The following FXR1 variants were observed in gnomAD, a reference collection of about 807,000 sequenced individuals.
FXR1 encodes RNA-binding protein FXR1.
Under a neutral mutation model 84.0 loss-of-function variants are expected in FXR1, and 15 were observed. The observed-to-expected ratio is 0.18, with a 90% CI of 0.12 to 0.27. The LOEUF is 0.27. Among genes scored for constraint, FXR1 ranks in the 10% least tolerant of loss-of-function variants. The pLI is 1.00. For synonymous variants in FXR1, 245 were observed against 250.7 expected (o/e 0.98, Z 0.21); for missense variants, 480 against 774.4 (o/e 0.62, Z 4.51).
intron 13 of FXR1, among the ~76,000 whole-genome samples, chr3:180,963,521 T>C (rs1010318358): frequency 6.6e-6 from 1 of 152,192 alleles, no homozygotes; most frequent in Non-Finnish European, 1.5e-5. Context: ...CTGCCAAGAT[T>C]GCATATAGCA....
chr3:180,982,640 C>CT lies in FXR1; in HGVS notation c.*6349dup, dbSNP rs1402381714. ...TTGCCTGTCGGCATATTATCACTAT[C>CT]TGTCTTTGAAAAATTTTCTTTTAAG... On this transcript the variant is annotated 3_prime_UTR_variant, in exon 17 of 17. Coordinates refer to ENST00000357559, the MANE Select transcript of FXR1 (RefSeq NM_005087.4). The CT allele has an allele frequency of 1.3e-5, 2 of 151,622 alleles. No individual in the cohort carries two copies. The highest frequency in any genetic ancestry group is 2.9e-5 in the Non-Finnish European group (2 of 67,982). The allele number at this position is 151,622 out of a possible 1,614,324, so 9.4% of individuals were successfully genotyped here. A position where few individuals can be genotyped will look rare whatever the true frequency, so the allele number is the denominator to read the frequency against.
At chr3:180,938,222 G>A (rs191659245) in intron 3 of FXR1, among the ~76,000 whole-genome samples, 1 of 152,190 alleles carries the variant, frequency 6.6e-6, no homozygotes, top group East Asian at 1.9e-4. Flanking sequence ...ATTCCTAAGA[G>A]GTTAATGTTT....
Position 180,968,165 on chromosome 3 carries a change from G to A in FXR1, c.1313G>A (p.Ser438Asn), listed in dbSNP as rs771190045. The A allele has an allele frequency of 6.8e-6, 11 of 1,613,604 alleles. No individual in the cohort carries two copies. The highest frequency in any genetic ancestry group is 8.5e-6 in the Non-Finnish European group (10 of 1,179,590). Residue 438 changes from serine (S) to asparagine (N), a missense_variant, in exon 14 of 17, where the codon AGC becomes AAC. Ser to Asn is a conservative substitution (Grantham distance 46, BLOSUM62 1). Coordinates refer to ENST00000357559, the MANE Select transcript of FXR1 (RefSeq NM_005087.4). Reference protein sequence around the residue: ...DDRDSRHQRDSRRRPGGRGRS... With the variant: ...DDRDSRHQRDNRRRPGGRGRS... Reference sequence around the variant, plus strand: ...CGAGACAGCCGACATCAGCGTGACAGCAGGAGACGCCCAGGAGGAAGAGGC... The same window carrying A: ...CGAGACAGCCGACATCAGCGTGACAACAGGAGACGCCCAGGAGGAAGAGGC...
chr3:180,972,942 CATTTA>C (rs1713769728), intron 15 of FXR1, among the ~76,000 whole-genome samples: 1 of 152,186 alleles, frequency 6.6e-6, no homozygotes, highest in Non-Finnish European at 1.5e-5. Context: ...TTAAAACACT[CATTTA>C]ATTTGATCTC....
intron 16 of FXR1, 38 bp downstream of exon 16, chr3:180,975,442 A>G (rs13089525): frequency 5.6e-6 from 4 of 716,666 alleles, no homozygotes; most frequent in African/African-American, 3.9e-5. Context: ...TTTTTTTTTT[A>G]ATTTTTGGTA....
At chr3:180,917,582 G>A (rs896932065) in intron 1 of FXR1, among the ~76,000 whole-genome samples, 6 of 152,124 alleles carry the variant, frequency 3.9e-5, no homozygotes, top group Non-Finnish European at 8.8e-5. Context: ...TTCACAGATA[G>A]TTGCAAAACG....
rs373824306 is a variant in FXR1, at chr3:180,953,749, C to A, written c.802-13C>A. The A allele has an allele frequency of 7.4e-7, 1 of 1,359,374 alleles. No homozygotes were observed. The highest frequency in any genetic ancestry group is 2.0e-5 in the Admixed American group (1 of 49,464). The allele number at this position is 1,359,374 out of a possible 1,614,324, so 84.2% of individuals were successfully genotyped here. Reference sequence around the variant, plus strand: ...AAACAGGATTTCATTTTTACTTTTCCCCTCATCTACAGAGTGCTGATGCTG... The same window carrying A: ...AAACAGGATTTCATTTTTACTTTTCACCTCATCTACAGAGTGCTGATGCTG... On this transcript the variant is annotated splice_polypyrimidine_tract_variant and intron_variant, in intron 8 of 16. Transcript: ENST00000357559.
At chr3:180,975,185 A>C (rs1414493969) in intron 15 of FXR1, 128 bp from the exon 16 acceptor site, 1 of 434,722 alleles carries the variant, frequency 2.3e-6, no homozygotes, top group African/African-American at 2.1e-5. Flanking sequence ...TGGAGGTGAT[A>C]CCCAGCTTAA....
At chr3:180,954,389 T>C (rs1308318283) in intron 9 of FXR1, among the ~76,000 whole-genome samples, 2 of 152,198 alleles carry the variant, frequency 1.3e-5, no homozygotes, top group African/African-American at 4.8e-5. Context: ...TTTCACTGTT[T>C]ATTATTTGAC....
Position 180,941,771 on chromosome 3 carries a change from A to G in FXR1, c.199-6094A>G, listed in dbSNP as rs1322843793. Among the ~76,000 whole-genome samples, 4 of 152,276 alleles carry G rather than the reference A, an allele frequency of 2.6e-5. No individual in the cohort carries two copies. The East Asian group carries it at 7.7e-4, about 29-fold the overall frequency. Reference sequence around the variant, plus strand: ...AAAGCTGGTAGGAAACTGATTTGTTAAAGTGTCAGCCTTAAAGGTGAATGA... The same window carrying G: ...AAAGCTGGTAGGAAACTGATTTGTTGAAGTGTCAGCCTTAAAGGTGAATGA... On this transcript the variant is annotated intron_variant, in intron 3 of 16. Coordinates refer to ENST00000357559, the MANE Select transcript of FXR1 (RefSeq NM_005087.4).
chr3:180,934,985 GTAAC>G (rs1487900152), intron 2 of FXR1, among the ~76,000 whole-genome samples, 149 bp from the exon 3 acceptor site: 1 of 152,114 alleles, frequency 6.6e-6, no homozygotes, highest in African/African-American at 2.4e-5. Flanking sequence ...TTCTACTTCA[GTAAC>G]TAATTTCTTG....
rs753275904 is a variant in FXR1 at position 180,936,893 on chromosome 3, C to G, written c.198+1662C>G. ...TTTTTGTAAGGATACCTGTAACTAT[C>G]TGTGTGTATTAGAGTTCTTGAGGAA... On this transcript the variant is annotated intron_variant, in intron 3 of 16. Transcript: ENST00000357559. Among the ~76,000 whole-genome samples, 9 of 152,136 alleles carry G rather than the reference C, an allele frequency of 5.9e-5. No homozygotes were observed. The South Asian group carries it at 8.4e-4, about 14-fold the overall frequency.
In FXR1 at chr3:180,979,016, T is replaced by G. The variant is rs1007113194; in HGVS notation, c.*2724T>G. On this transcript the variant is annotated 3_prime_UTR_variant, in exon 17 of 17. Transcript: ENST00000357559. Reference sequence around the variant, plus strand: ...ATTTTGAAATAATCTTGTATTTTAATGTGGAATTAGAAGCAGCACATCAAA... The same window carrying G: ...ATTTTGAAATAATCTTGTATTTTAAGGTGGAATTAGAAGCAGCACATCAAA... The G allele has an allele frequency of 1.3e-5, 2 of 152,132 alleles. No homozygotes were observed. Among genetic ancestry groups the G allele is most frequent in the Admixed American group, 1.3e-4 (2 of 15,268 alleles). 9.4% of individuals were successfully genotyped at this position (152,132 alleles called of 1,614,324 possible).
chr3:180,928,678 G>A (rs543164718), intron 1 of FXR1, among the ~76,000 whole-genome samples: 1 of 152,024 alleles, frequency 6.6e-6, no homozygotes, highest in Non-Finnish European at 1.5e-5. Context: ...GGTTGTTGCT[G>A]TAAGTAGAAT....
chr3:180,920,605 A>G (rs1198304047), intron 1 of FXR1, among the ~76,000 whole-genome samples: 1 of 147,582 alleles, frequency 6.8e-6, no homozygotes, highest in African/African-American at 2.5e-5. Flanking sequence ...TCTGCCTCTT[A>G]GGTTCAGGCG....
In FXR1 at chr3:180,912,882, C is replaced by G. The variant is rs954768859; in HGVS notation, c.51+146C>G. On this transcript the variant is annotated intron_variant, in intron 1 of 16. Coordinates refer to ENST00000357559, the MANE Select transcript of FXR1 (RefSeq NM_005087.4). ...CCGCTGGATTCCTTGCTTCTCCCCCCTCCACCCGCGGTTTAACGGTCTCGG... is the reference window on the plus strand; with the variant it reads ...CCGCTGGATTCCTTGCTTCTCCCCCGTCCACCCGCGGTTTAACGGTCTCGG... 4 of 1,442,566 alleles carry G rather than the reference C, an allele frequency of 2.8e-6. No homozygotes were observed. In the African/African-American group the frequency reaches 5.6e-5, roughly 20 times the overall value. The allele number at this position is 1,442,566 out of a possible 1,614,324, so 89.4% of individuals were successfully genotyped here.
intron 11 of FXR1, among the ~76,000 whole-genome samples, 166 bp from the exon 12 acceptor site, chr3:180,962,717 A>G (rs1376903932): frequency 1.3e-5 from 2 of 152,224 alleles, no homozygotes; most frequent in African/African-American, 4.8e-5. Context: ...TGTTGAACAG[A>G]AACAGCAAAT....
chr3:180,919,529 C>CT (rs1460310426), intron 1 of FXR1, among the ~76,000 whole-genome samples: 1 of 152,012 alleles, frequency 6.6e-6, no homozygotes, highest in African/African-American at 2.4e-5. Flanking sequence ...AATGTTCCAC[C>CT]TGGCTCAGCC....
chr3:180,915,170 A>T lies in FXR1; in HGVS notation c.51+2434A>T, dbSNP rs185384418. ...AGTTTATTGCTTTTTATTCATTAGA[A>T]TGTAAAAGTTAATGTTAATTTACAT... On this transcript the variant is annotated intron_variant, in intron 1 of 16. Transcript: ENST00000357559. 3.3e-4 allele frequency among the ~76,000 whole-genome samples: 50 copies of T among 152,340 alleles called. 1 individual carries two copies. The East Asian group carries it at 6.0e-3, about 18-fold the overall frequency.
Sources: allele counts gnomAD v4.1 joint callset (sites outside exome capture counted in the v4.1 genomes callset), GRCh38; gene constraint gnomAD v4.1.1; transcripts MANE v1.5; gene names NCBI Gene and HGNC (gene_info 2026-07-23, HGNC 2026-07-21).